The following GDPD2 variants were observed in gnomAD, a reference collection of about 807,000 sequenced individuals.
GDPD2 encodes glycerophosphodiester phosphodiesterase domain containing 2.
A neutral mutation model predicts 49.2 loss-of-function variants in GDPD2; 23 were observed. That is an observed-to-expected ratio of 0.47 (90% CI 0.34 to 0.66). The LOEUF (loss-of-function observed/expected upper bound fraction) is 0.66, where lower values mean the gene tolerates loss of function less well. GDPD2 is among the 30% of genes least tolerant of loss of function. The pLI is 0.01. For missense variants in GDPD2, 338 were observed against 424.7 expected, an observed-to-expected ratio of 0.80 and a Z score of 1.79; for synonymous variants, 167 against 171.4, an observed-to-expected ratio of 0.97 and a Z score of 0.20.
chrX:70,433,059 A>C lies in GDPD2; in HGVS notation c.1593A>C (p.Thr531=). 2 of 1,202,380 alleles carry C rather than the reference A, an allele frequency of 1.7e-6. No individual in the cohort carries two copies. Among genetic ancestry groups the C allele is most frequent in the Non-Finnish European group, 2.3e-6 (2 of 888,292 alleles). Residue 531 remains threonine (T), a synonymous_variant, in exon 16 of 16, where the codon ACA becomes ACC. Transcript: ENST00000374382. ...GCTTAGAAACAGCAGTGCTGCTGAC[A>C]AGGATCAACAATTTCATGATGGAGT... ...KTGLETAVLL[T]RINNFMME
chrX:70,425,394 T>C lies in GDPD2; in HGVS notation c.146T>C (p.Leu49Pro). The change falls in exon 3 of 16, where the codon CTC becomes CCC. Residue 49 changes from leucine to proline, a missense_variant. Leu to Pro is a moderately conservative substitution (Grantham distance 98). Coordinates refer to ENST00000374382, the MANE Select transcript of GDPD2 (RefSeq NM_017711.4). ...TTTGGCCTGCTCTTCCTCACCTTCCTCCTTTCCCTGAGCTGGCTGTACATC... is the reference window on the plus strand; with the variant it reads ...TTTGGCCTGCTCTTCCTCACCTTCCCCCTTTCCCTGAGCTGGCTGTACATC... ...IWFGLLFLTF[L>P]LSLSWLYIGL... 1.7e-6 allele frequency: 2 copies of C among 1,206,228 alleles called. No homozygotes were observed. Among genetic ancestry groups the C allele is most frequent in the Non-Finnish European group, 2.2e-6 (2 of 890,701 alleles).
intron 7 of GDPD2, 22 bp downstream of exon 7, chrX:70,426,763 T>C (rs1309951495): frequency 2.6e-6 from 3 of 1,172,623 alleles, no homozygotes; most frequent in Non-Finnish European, 3.5e-6. Flanking sequence ...GCTGCCCCAC[T>C]CACCCTTGCT....
In GDPD2 at chrX:70,427,322, G is replaced by T. The variant is rs768157919; in HGVS notation, c.795G>T (p.Gly265=). The stretch of plus-strand genomic sequence containing the variant: ...CCCCTTGTGCCCTCAGCTCCGATGG[G>T]GTCCCCTTCCTCATGCATGATGAGC... ...FETDVMVSSD[G]VPFLMHDEHL... The change falls in exon 10 of 16, where the codon GGG becomes GGT. Residue 265 remains glycine (G), a synonymous_variant. Transcript: ENST00000374382. 1 of 1,210,832 alleles carries T rather than the reference G, an allele frequency of 8.3e-7. No homozygotes were observed. The highest frequency in any genetic ancestry group is 2.2e-5 in the Admixed American group (1 of 46,027).
chrX:70,429,044 C>T (rs893709881), intron 10 of GDPD2, among the ~76,000 whole-genome samples: 2 of 111,889 alleles, frequency 1.8e-5, no homozygotes, highest in Non-Finnish European at 3.8e-5. Flanking sequence ...AGCGCTCAGC[C>T]CCCAGTTCTA....
rs757043874 is a variant in GDPD2 at position 70,425,022 on chromosome X, G to A, written c.38G>A (p.Arg13His). Residue 13 changes from arginine (R) to histidine (H), a missense_variant, in exon 2 of 16, where the codon CGC (arginine) becomes CAC (histidine). This residue lies in a region of GDPD2 where 75 missense variants were observed against 67.6 expected (regional missense o/e 1.11). Coordinates refer to ENST00000374382, the MANE Select transcript of GDPD2 (RefSeq NM_017711.4). The part of the protein sequence containing the change: ...ESPGCCSVWA[R>H]CLHCLYSCHW... Reference sequence around the variant, plus strand: ...CCCGGCTGCTGCTCCGTCTGGGCCCGCTGCCTCCACTGCCTGTATAGCTGC... The same window carrying A: ...CCCGGCTGCTGCTCCGTCTGGGCCCACTGCCTCCACTGCCTGTATAGCTGC... The A allele has an allele frequency of 1.1e-4, 130 of 1,198,102 alleles. No homozygotes were observed. The highest frequency in any genetic ancestry group is 1.4e-4 in the Non-Finnish European group (125 of 888,913).
chrX:70,426,259 G>A (rs1254407703), intron 5 of GDPD2, 112 bp from the exon 6 acceptor site: 18 of 782,271 alleles, frequency 2.3e-5, no homozygotes, highest in Middle Eastern at 2.8e-4. Flanking sequence ...GAGGAAAGCA[G>A]ATGTGTCAGG....
chrX:70,432,396 C>T lies in GDPD2; in HGVS notation c.1397C>T (p.Ser466Leu), dbSNP rs747682076. The change falls in exon 13 of 16, where the codon TCG (serine) becomes TTG (leucine). Residue 466 changes from serine (S) to leucine (L), a missense_variant. Coordinates refer to ENST00000374382, the MANE Select transcript of GDPD2 (RefSeq NM_017711.4). ...FSLLWCAGVD[S>L]VTTNDCQLLQ... ...CTGCTTTGGTGTGCAGGGGTGGATT[C>T]GGTCACCACCAACGACTGCCAGCTG... 4 of 1,209,597 alleles carry T rather than the reference C, an allele frequency of 3.3e-6. No homozygotes were observed. Among genetic ancestry groups the T allele is most frequent in the East Asian group, 3.0e-5 (1 of 33,836 alleles).
At position 70,426,861 on chromosome X, in the gene GDPD2, C is replaced by A. The variant is rs1196121332; in HGVS notation, c.557-5C>A. ...TCTTGAAAGCCTGTCCCCCACTCCCCACAGGTCCCAAGATTCTGCTACTGC... is the reference window on the plus strand; with the variant it reads ...TCTTGAAAGCCTGTCCCCCACTCCCAACAGGTCCCAAGATTCTGCTACTGC... On this transcript the variant is annotated splice_polypyrimidine_tract_variant and splice_region_variant and intron_variant, in intron 7 of 15. Transcript: ENST00000374382. 1 of 1,210,485 alleles carries A rather than the reference C, an allele frequency of 8.3e-7. No homozygotes were observed. The highest frequency in any genetic ancestry group is 1.1e-6 in the Non-Finnish European group (1 of 894,288).
At chrX:70,424,214 G>A (rs1487641369) in intron 1 of GDPD2, among the ~76,000 whole-genome samples, 1 of 111,116 alleles carries the variant, frequency 9.0e-6, no homozygotes, top group Non-Finnish European at 1.9e-5. Flanking sequence ...GGCGAGTCTG[G>A]GCTTCTGGTT....
At chrX:70,429,457 C>G in intron 10 of GDPD2, 36 bp from the exon 11 acceptor site, 1 of 942,810 alleles carries the variant, frequency 1.1e-6, no homozygotes. Flanking sequence ...GCCTGGAAGC[C>G]TCTTCTGGTC....
Position 70,424,956 on chromosome X carries a change from T to C in GDPD2, c.-9-20T>C, listed in dbSNP as rs1232879885. On this transcript the variant is annotated intron_variant, in intron 1 of 15. Transcript: ENST00000374382. ...TGCCCTCTGCCAGGGTCCCTGATGG[T>C]CGAGTGTCCCTTCCCCCAGGCCTTC... The C allele has an allele frequency of 9.6e-7, 1 of 1,045,183 alleles. No homozygotes were observed. The highest frequency in any genetic ancestry group is 2.6e-5 in the Admixed American group (1 of 38,572). 86.1% of individuals were successfully genotyped at this position (1,045,183 alleles called of 1,213,427 possible).
chrX:70,427,168 G>A lies in GDPD2; in HGVS notation c.734G>A (p.Arg245Gln), dbSNP rs200446553. The A allele has an allele frequency of 2.7e-5, 33 of 1,206,099 alleles. No individual in the cohort carries two copies. The highest frequency in any genetic ancestry group is 3.5e-5 in the Non-Finnish European group (31 of 892,022). ...CCCGAGAACACCCTGATGTCCTTGC[G>A]GAAGACAGCTGAATGCGGAGCTACT... is the stretch of plus-strand genomic sequence containing the variant. ...LAPENTLMSL[R>Q]KTAECGATVF... is the part of the protein sequence containing the mutation. The change falls in exon 9 of 16, where the codon CGG (arginine) becomes CAG (glutamine). Residue 245 changes from arginine to glutamine, a missense_variant. By Grantham distance (43) the Arg-to-Gln change is conservative. Transcript: ENST00000374382.
At chrX:70,426,500 G>A (rs1183515817) in intron 6 of GDPD2, 31 bp downstream of exon 6, 5 of 1,156,934 alleles carry the variant, frequency 4.3e-6, no homozygotes, top group Non-Finnish European at 5.9e-6. Flanking sequence ...GTCTAGACGG[G>A]AGCCTTGGCT....
chrX:70,425,790 G>A lies in GDPD2; in HGVS notation c.237G>A (p.Trp79Ter), dbSNP rs761340605. The A allele has an allele frequency of 8.4e-7, 1 of 1,193,552 alleles. No homozygotes were observed. The highest frequency in any genetic ancestry group is 1.8e-5 in the African/African-American group (1 of 56,316). ...TCCTCTTCCGCCGCTGGGGACACTG[G>A]ATGGACTGGTCCCTGGCATTCCTGC... ...NEFLFRRWGH[W>*]MDWSLAFLLV... Residue 79 changes from tryptophan to a stop codon, truncating the protein, a stop_gained, in exon 4 of 16, where the codon TGG (tryptophan) becomes TGA (stop). Coordinates refer to ENST00000374382, the MANE Select transcript of GDPD2 (RefSeq NM_017711.4). LOFTEE classifies it high-confidence loss of function.
chrX:70,427,470 A>ATC lies in GDPD2; in HGVS notation c.936+7_936+8insTC. The ATC allele has an allele frequency of 8.3e-7, 1 of 1,199,608 alleles. No individual in the cohort carries two copies. Among genetic ancestry groups the ATC allele is most frequent in the Non-Finnish European group, 1.1e-6 (1 of 886,507 alleles). On this transcript the variant is annotated splice_region_variant and intron_variant, in intron 10 of 15. Coordinates refer to ENST00000374382, the MANE Select transcript of GDPD2 (RefSeq NM_017711.4). ...TGGATCCTGGTTCCTAGAGGTGAGG[A>ATC]CAGCCTCTGCAAAGAGGCAGCCATC...
chrX:70,430,536 G>C (rs1480275328), intron 12 of GDPD2, among the ~76,000 whole-genome samples: 2 of 111,212 alleles, frequency 1.8e-5, no homozygotes, highest in Non-Finnish European at 3.8e-5. Flanking sequence ...GGAAGCTAGA[G>C]AAGCAGGCAG....
intron 3 of GDPD2, 45 bp from the exon 4 acceptor site, chrX:70,425,718 G>A: frequency 1.8e-6 from 1 of 548,624 alleles, no homozygotes; most frequent in Non-Finnish European, 3.1e-6. Context: ...GGCCACTATT[G>A]ACACCCCTTC....
chrX:70,429,104 G>A (rs1312316252), intron 10 of GDPD2, among the ~76,000 whole-genome samples: 2 of 112,020 alleles, frequency 1.8e-5, no homozygotes, highest in African/African-American at 6.5e-5. Context: ...TCTGGGAGTT[G>A]TAGGGCAAGT....
chrX:70,432,475 A>C, intron 13 of GDPD2, 21 bp downstream of exon 13: 1 of 1,191,469 alleles, frequency 8.4e-7, no homozygotes, highest in Non-Finnish European at 1.1e-6. Flanking sequence ...TGGGACTGTC[A>C]CCTCTCCTCT....
Sources: gnomAD v4.1 joint callset for allele counts (sites outside exome capture counted in the v4.1 genomes callset) on GRCh38, gnomAD v4.1.1 for gene constraint, gnomAD v4.1.1 regional missense constraint, MANE v1.5 for transcripts, NCBI Gene and HGNC (gene_info 2026-07-23, HGNC 2026-07-21) for gene names.